The following VRK2 variants were observed in gnomAD, a reference collection of about 807,000 sequenced individuals.
VRK2 encodes VRK serine/threonine kinase 2, also known as serine/threonine-protein kinase VRK2.
A neutral mutation model predicts 57.6 loss-of-function variants in VRK2; 60 were observed. The observed-to-expected ratio is 1.04, with a 90% confidence interval of 0.85 to 1.29. The LOEUF is 1.29. Among genes scored for constraint, VRK2 ranks in the 50% most tolerant of loss-of-function variants. The pLI, the probability that VRK2 is intolerant of heterozygous loss-of-function variation, is 0.00. For synonymous variants in VRK2, 231 were observed against 199.2 expected, an observed-to-expected ratio of 1.16 and a Z score of -1.35; for missense variants, 705 against 588.1, an observed-to-expected ratio of 1.20 and a Z score of -2.06.
At chr2:58,133,141 A>T (rs969740443) in intron 9 of VRK2, among the ~76,000 whole-genome samples, 2 of 152,152 alleles carry the variant, frequency 1.3e-5, no homozygotes, top group African/African-American at 4.8e-5. Flanking sequence ...TGATAAGACT[A>T]ATATGACTTG....
At chr2:58,088,909 C>T (rs758302930) in intron 6 of VRK2, among the ~76,000 whole-genome samples, 2 of 152,268 alleles carry the variant, frequency 1.3e-5, no homozygotes, top group East Asian at 1.9e-4. Flanking sequence ...GCAGAAGCAA[C>T]GAACTCTTAA....
chr2:58,023,752 T>C (rs1339627670), intron 1 of VRK2, among the ~76,000 whole-genome samples: 1 of 152,140 alleles, frequency 6.6e-6, no homozygotes, highest in Non-Finnish European at 1.5e-5. Flanking sequence ...TTTCTGTTTC[T>C]AGGCCTTTAA....
upstream of VRK2, among the ~76,000 whole-genome samples, chr2:58,044,497 A>T (rs1674596051): frequency 6.6e-6 from 1 of 152,248 alleles, no homozygotes; most frequent in African/African-American, 2.4e-5. Flanking sequence ...CATGAAACAT[A>T]CAATTTACTG....
At chr2:57,937,025 G>A (rs1332011563) in intron 1 of VRK2, among the ~76,000 whole-genome samples, 1 of 152,106 alleles carries the variant, frequency 6.6e-6, no homozygotes, top group Admixed American at 6.5e-5. Flanking sequence ...TTTCTTCCAG[G>A]CAAGTTGTTC....
intron 7 of VRK2, among the ~76,000 whole-genome samples, chr2:58,114,006 C>CT (rs1483332062): frequency 6.6e-6 from 1 of 151,960 alleles, no homozygotes; most frequent in East Asian, 1.9e-4. Context: ...GTGTGGGAAC[C>CT]TAGAGTGGGA....
rs1455902135 is a variant in VRK2, at chr2:58,089,718, G to A, written c.538G>A (p.Asp180Asn). ...TCTACTTTTGGGTTACAAAAATCCA[G>A]ACCAGGTAAATACATACTTTTGCTT... is the stretch of plus-strand genomic sequence containing the variant. ...ANLLLGYKNP[D>N]QVYLADYGLS... Residue 180 changes from aspartate (D) to asparagine (N), a missense_variant, in exon 7 of 13, where the codon GAC becomes AAC. Asp to Asn is a conservative substitution (Grantham distance 23). Coordinates refer to ENST00000340157, the MANE Select transcript of VRK2 (RefSeq NM_006296.7). 1.2e-6 allele frequency: 2 copies of A among 1,604,132 alleles called. No individual in the cohort carries two copies. The highest frequency in any genetic ancestry group is 1.1e-5 in the South Asian group (1 of 90,124).
At chr2:58,034,369 C>T (rs1195121432) in intron 3 of VRK2, among the ~76,000 whole-genome samples, 5 of 151,956 alleles carry the variant, frequency 3.3e-5, no homozygotes, top group African/African-American at 4.8e-5. Flanking sequence ...AGTTTGCCCG[C>T]TACCGATTCC....
At chr2:57,985,719 C>T (rs1421363303) in intron 1 of VRK2, among the ~76,000 whole-genome samples, 1 of 151,784 alleles carries the variant, frequency 6.6e-6, no homozygotes, top group Non-Finnish European at 1.5e-5. Flanking sequence ...GGCAAGAAGG[C>T]AACAAAAAGA....
At chr2:58,115,068 G>A (rs1275679049) in intron 7 of VRK2, among the ~76,000 whole-genome samples, 1 of 152,112 alleles carries the variant, frequency 6.6e-6, no homozygotes, top group African/African-American at 2.4e-5. Flanking sequence ...AGATTTCCAC[G>A]ATGGAAAGGA....
intron 1 of VRK2, among the ~76,000 whole-genome samples, chr2:57,950,242 T>A (rs1671384394): frequency 6.6e-6 from 1 of 152,200 alleles, no homozygotes; most frequent in South Asian, 2.1e-4. Context: ...AACGATGCCA[T>A]CTAGGACTTC....
At position 58,111,284 on chromosome 2, in the gene VRK2, T is replaced by TA. The variant is rs900408957; in HGVS notation, c.544-11809dup. Among the ~76,000 whole-genome samples the TA allele has an allele frequency of 9.2e-5, 14 of 151,880 alleles. No homozygotes were observed. The East Asian group carries it at 1.2e-3, about 13-fold the overall frequency. On this transcript the variant is annotated intron_variant, in intron 7 of 12. Coordinates refer to ENST00000340157, the MANE Select transcript of VRK2 (RefSeq NM_006296.7). ...CTTCCCTATCTACCTCACAAAGTTA[T>TA]AAAAAAAAGTAATGTCTAAGAAAGG... is the stretch of plus-strand genomic sequence containing the variant.
chr2:58,094,595 A>G (rs979283974), intron 7 of VRK2, among the ~76,000 whole-genome samples: 3 of 152,208 alleles, frequency 2.0e-5, no homozygotes, highest in Non-Finnish European at 4.4e-5. Context: ...TAATCATGTC[A>G]TCTGCAAACA....
chr2:58,066,494 G>A (rs1668630648), intron 2 of VRK2, among the ~76,000 whole-genome samples: 1 of 151,940 alleles, frequency 6.6e-6, no homozygotes, highest in Non-Finnish European at 1.5e-5. Context: ...TTCCATCTTT[G>A]TTAAGGAGGA....
intron 1 of VRK2, among the ~76,000 whole-genome samples, chr2:57,951,414 T>C (rs1671424313): frequency 6.6e-6 from 1 of 152,216 alleles, no homozygotes; most frequent in Non-Finnish European, 1.5e-5. Flanking sequence ...CTGTGAATAT[T>C]GTTGAAATGA....
At position 58,078,125 on chromosome 2, in the gene VRK2, A is replaced by G. The variant is rs543959249; in HGVS notation, c.137-5964A>G. ...TCCCATTTTGCAGTACTGAAACTCT[A>G]TATTCATTAAACAGTAATTCTCCAT... On this transcript the variant is annotated intron_variant, in intron 2 of 12. Transcript: ENST00000340157. Among the ~76,000 whole-genome samples, 10 of 152,232 alleles carry G rather than the reference A, an allele frequency of 6.6e-5. No individual in the cohort carries two copies. In the East Asian group the frequency reaches 1.7e-3, roughly 26 times the overall value.
intron 12 of VRK2, among the ~76,000 whole-genome samples, chr2:58,148,999 TAAG>T (rs1440469083): frequency 6.6e-6 from 1 of 151,810 alleles, no homozygotes; most frequent in Admixed American, 6.6e-5. Flanking sequence ...CCATAAAATT[TAAG>T]AAGCAGCTTG....
intron 1 of VRK2, among the ~76,000 whole-genome samples, chr2:58,004,626 C>A (rs1664100644): frequency 6.6e-6 from 1 of 152,126 alleles, no homozygotes. Context: ...ATGGAATAAT[C>A]TATTCCTTTA....
At chr2:57,988,950 T>C (rs1672681417) in intron 1 of VRK2, among the ~76,000 whole-genome samples, 1 of 152,190 alleles carries the variant, frequency 6.6e-6, no homozygotes, top group African/African-American at 2.4e-5. Flanking sequence ...TTGCACATTC[T>C]AGCTCCTAAT....
chr2:58,129,596 G>A (rs1190625455), intron 8 of VRK2, among the ~76,000 whole-genome samples: 1 of 152,162 alleles, frequency 6.6e-6, no homozygotes, highest in Non-Finnish European at 1.5e-5. Flanking sequence ...TGCATACATA[G>A]ATTTTAATAT....
Sources: gnomAD v4.1 joint callset for allele counts (sites outside exome capture counted in the v4.1 genomes callset) on GRCh38, gnomAD v4.1.1 for gene constraint, MANE v1.5 for transcripts, NCBI Gene and HGNC (gene_info 2026-07-23, HGNC 2026-07-21) for gene names.